Variants in EDN3 observed in about 807,000 individuals in gnomAD.
EDN3 encodes endothelin-3.
Under a neutral mutation model 21.4 loss-of-function variants are expected in EDN3, and 9 were observed. The observed-to-expected ratio is 0.42, with a 90% confidence interval of 0.25 to 0.73. The LOEUF is 0.73. Ranked by LOEUF, EDN3 falls within the 30% of genes least tolerant of loss-of-function variation. The pLI, the probability that EDN3 is intolerant of heterozygous loss-of-function variation, is 0.26. For synonymous variants in EDN3, 133 were observed against 126.2 expected (o/e 1.05, Z -0.36); for missense variants, 327 against 309.4 (o/e 1.06, Z -0.43).
rs149803434 is a variant in EDN3 at position 59,303,468 on chromosome 20, C to T, written c.365+1746C>T. 9.1e-3 allele frequency among the ~76,000 whole-genome samples: 1,380 copies of T among 152,270 alleles called. 7 individuals carry two copies. The highest frequency in any genetic ancestry group is 0.017 in the South Asian group (80 of 4,820). ...AGGGCACTGGGCAGTCACCAGGAAC[C>T]GAGTTCTTGTCTTGGCCAGAATCCC... is the stretch of plus-strand genomic sequence containing the variant. On this transcript the variant is annotated intron_variant, in intron 2 of 4. Transcript: ENST00000337938.
Position 59,305,402 on chromosome 20 carries a change from C to A in EDN3, c.365+3680C>A, listed in dbSNP as rs1427360269. Among the ~76,000 whole-genome samples the A allele has an allele frequency of 6.6e-6, 1 of 152,198 alleles. No individual in the cohort carries two copies. Among genetic ancestry groups the A allele is most frequent in the Admixed American group, 6.5e-5 (1 of 15,280 alleles). Reference sequence around the variant, plus strand: ...GTACACTGCGGCTGTCCTCTATGAGCAGACTGAAGAAACAGATACCAGGTA... The same window carrying A: ...GTACACTGCGGCTGTCCTCTATGAGAAGACTGAAGAAACAGATACCAGGTA... On this transcript the variant is annotated intron_variant, in intron 2 of 4. Transcript: ENST00000337938. This position sits in a 1 kb window ranked among gnomAD's most constrained non-coding sequence, Gnocchi z 4.2.
intron 2 of EDN3, among the ~76,000 whole-genome samples, chr20:59,314,073 C>G (rs536079371): frequency 3.4e-4 from 51 of 152,212 alleles, no homozygotes; most frequent in African/African-American, 1.1e-3. Flanking sequence ...CCTGCCTCCA[C>G]CTGCTGAAGG....
At chr20:59,316,659 T>C (rs1443935198) in intron 2 of EDN3, among the ~76,000 whole-genome samples, 1 of 152,232 alleles carries the variant, frequency 6.6e-6, no homozygotes, top group Non-Finnish European at 1.5e-5. Context: ...TTCAGTGTGG[T>C]GTTGCAGATG....
At chr20:59,318,855 G>T (rs6100411) in intron 2 of EDN3, among the ~76,000 whole-genome samples, 1 of 152,200 alleles carries the variant, frequency 6.6e-6, no homozygotes, top group Admixed American at 6.5e-5. Flanking sequence ...CAAAATTGCA[G>T]GTCTCACTAT....
chr20:59,301,842 C>CTTGCTGG (rs1989068604), intron 2 of EDN3, 120 bp downstream of exon 2: 4 of 1,171,002 alleles, frequency 3.4e-6, no homozygotes, highest in Non-Finnish European at 3.8e-6. Flanking sequence ...TGCCCTGGCA[C>CTTGCTGG]AGCCTTTAGC....
chr20:59,323,020 G>C (rs1028349630), intron 4 of EDN3, among the ~76,000 whole-genome samples: 2 of 152,078 alleles, frequency 1.3e-5, no homozygotes, highest in African/African-American at 4.8e-5. Flanking sequence ...CTATCAATCA[G>C]AAGTCATTAT....
In EDN3 at chr20:59,305,421, C is replaced by T. The variant is rs11570273; in HGVS notation, c.365+3699C>T. Among the ~76,000 whole-genome samples the T allele has an allele frequency of 3.3e-5, 5 of 152,140 alleles. No homozygotes were observed. Among genetic ancestry groups the T allele is most frequent in the East Asian group, 3.9e-4 (2 of 5,194 alleles). On this transcript the variant is annotated intron_variant, in intron 2 of 4. Transcript: ENST00000337938. This position sits in a 1 kb window ranked among gnomAD's most constrained non-coding sequence, Gnocchi z 4.2. ...TATGAGCAGACTGAAGAAACAGATACCAGGTAGCTGGGGCCTGTAGGAGTC... is the reference window on the plus strand; with the variant it reads ...TATGAGCAGACTGAAGAAACAGATATCAGGTAGCTGGGGCCTGTAGGAGTC...
intron 2 of EDN3, among the ~76,000 whole-genome samples, chr20:59,320,578 G>A (rs1322658523): frequency 2.0e-5 from 3 of 152,232 alleles, no homozygotes; most frequent in African/African-American, 7.2e-5. Context: ...GCAGAACCCG[G>A]CCCGGAGGAG....
intron 2 of EDN3, among the ~76,000 whole-genome samples, chr20:59,303,101 C>T (rs1034933301): frequency 4.6e-5 from 7 of 152,218 alleles, no homozygotes; most frequent in African/African-American, 9.7e-5. Context: ...GACTCTGGCT[C>T]GGCTTAAAGT....
chr20:59,316,178 C>G (rs2146860838), intron 2 of EDN3, among the ~76,000 whole-genome samples: 1 of 152,266 alleles, frequency 6.6e-6, no homozygotes, highest in African/African-American at 2.4e-5. Flanking sequence ...GAGTGAGACT[C>G]TGTCTCAAAA....
intron 2 of EDN3, among the ~76,000 whole-genome samples, chr20:59,313,913 G>A (rs1990005886): frequency 6.6e-6 from 1 of 152,244 alleles, no homozygotes; most frequent in Non-Finnish European, 1.5e-5. Context: ...CCCATGGGCT[G>A]TCTGGCATAA....
chr20:59,301,328 C>T (rs1988997323), intron 1 of EDN3, 82 bp from the exon 2 acceptor site: 10 of 1,524,262 alleles, frequency 6.6e-6, no homozygotes, highest in South Asian at 1.1e-5. Flanking sequence ...TTGCTCCACC[C>T]CCCTCCTCAG....
chr20:59,317,849 G>A (rs767405775), intron 2 of EDN3, among the ~76,000 whole-genome samples: 2 of 152,170 alleles, frequency 1.3e-5, no homozygotes, highest in South Asian at 2.1e-4. Flanking sequence ...TAATCTGTTC[G>A]CCTGGCCTTG....
chr20:59,317,018 C>CA (rs1990228755), intron 2 of EDN3, among the ~76,000 whole-genome samples: 1 of 152,116 alleles, frequency 6.6e-6, no homozygotes, highest in Admixed American at 6.5e-5. Context: ...TTCTGAAAAC[C>CA]CCGTTGTATT....
intron 2 of EDN3, 89 bp downstream of exon 2, chr20:59,301,811 C>G (rs1989064518): frequency 4.8e-6 from 7 of 1,448,080 alleles, no homozygotes; most frequent in Non-Finnish European, 6.8e-6. Context: ...CACCCCAGCC[C>G]CGCTCAGTTA....
At chr20:59,321,545 C>A (rs926614335) in intron 3 of EDN3, among the ~76,000 whole-genome samples, 1 of 152,192 alleles carries the variant, frequency 6.6e-6, no homozygotes, top group African/African-American at 2.4e-5. Flanking sequence ...TAACCCCTGC[C>A]AAATGCGTAT....
chr20:59,301,971 G>A (rs1989078033), intron 2 of EDN3, among the ~76,000 whole-genome samples: 1 of 152,164 alleles, frequency 6.6e-6, no homozygotes, highest in Non-Finnish European at 1.5e-5. Context: ...TGTGGAAGGA[G>A]GAGCCCTCCC....
rs574281162 is a variant in EDN3, at chr20:59,305,329, T to C, written c.365+3607T>C. On this transcript the variant is annotated intron_variant, in intron 2 of 4. Coordinates refer to ENST00000337938, the MANE Select transcript of EDN3 (RefSeq NM_207034.3). The surrounding 1 kb of genome is among the most constrained non-coding windows in gnomAD (Gnocchi z 4.2). ...CATGGATAAGTTGCCAAGAATAAGA[T>C]AGTAAGGGGACAGGTGGTGAACAAG... 6.6e-6 allele frequency among the ~76,000 whole-genome samples: 1 copy of C among 152,082 alleles called. No individual in the cohort carries two copies. Among genetic ancestry groups the C allele is most frequent in the Non-Finnish European group, 1.5e-5 (1 of 68,026 alleles).
intron 2 of EDN3, among the ~76,000 whole-genome samples, chr20:59,306,858 C>A (rs974848579): frequency 3.9e-5 from 6 of 152,248 alleles, no homozygotes; most frequent in African/African-American, 1.4e-4. Flanking sequence ...ATAAAAGTCA[C>A]CCTGGGCCAG....
Sources: allele counts gnomAD v4.1 joint callset (sites outside exome capture counted in the v4.1 genomes callset), GRCh38; gene constraint gnomAD v4.1.1; non-coding constraint Gnocchi (gnomAD v3.1); transcripts MANE v1.5; gene names NCBI Gene and HGNC (gene_info 2026-07-23, HGNC 2026-07-21).